The following ADAM28 variants were observed in gnomAD, a reference collection of about 807,000 sequenced individuals.
ADAM28 encodes the protein ADAM metallopeptidase domain 28.
ADAM28 carries 105 observed loss-of-function variants against 101.2 expected under a neutral mutation model. That is an observed-to-expected ratio of 1.04 (90% CI 0.89 to 1.22). The LOEUF (loss-of-function observed/expected upper bound fraction) is 1.22, where lower values mean the gene tolerates loss of function less well. Ranked by LOEUF, ADAM28 falls within the 50% of genes most tolerant of loss-of-function variation. ADAM28 has a pLI of 0.00. For missense variants in ADAM28, 1,028 were observed against 945.4 expected (o/e 1.09, Z -1.15); for synonymous variants, 322 against 310.6 (o/e 1.04, Z -0.39).
At chr8:24,295,732 C>T (rs1410925122) in intron 1 of ADAM28, 1 of 152,226 alleles carries the variant, frequency 6.6e-6, no homozygotes, top group Admixed American at 6.5e-5. Flanking sequence ...CCTCTGATGT[C>T]AACTCTAAAA....
intron 13 of ADAM28, among the ~76,000 whole-genome samples, chr8:24,334,004 G>A (rs1407258869): frequency 6.6e-6 from 1 of 152,042 alleles, no homozygotes; most frequent in African/African-American, 2.4e-5. Context: ...AATGTTTGGT[G>A]TTATTTTGTT....
At chr8:24,294,741 C>T (rs1024636472) in intron 1 of ADAM28, among the ~76,000 whole-genome samples, 1 of 152,078 alleles carries the variant, frequency 6.6e-6, no homozygotes, top group Non-Finnish European at 1.5e-5. Context: ...TATTACTTAA[C>T]AAAATATCTC....
chr8:24,313,699 T>C (rs1407616247), intron 6 of ADAM28, 119 bp downstream of exon 6: 10 of 971,334 alleles, frequency 1.0e-5, no homozygotes, highest in Non-Finnish European at 1.5e-5. Context: ...ATAGAGACAC[T>C]AATCCTTAAA....
At chr8:24,303,017 A>G (rs1217682104) in intron 2 of ADAM28, among the ~76,000 whole-genome samples, 1 of 146,738 alleles carries the variant, frequency 6.8e-6, no homozygotes, top group Non-Finnish European at 1.5e-5. Flanking sequence ...TATAAATTTA[A>G]GTTCCTTGTA....
At chr8:24,349,176 C>A (rs932960103) in intron 18 of ADAM28, among the ~76,000 whole-genome samples, 3 of 152,140 alleles carry the variant, frequency 2.0e-5, no homozygotes, top group Admixed American at 1.3e-4. Context: ...AGAACGGTAA[C>A]TTTTGGCATT....
chr8:24,309,954 T>A lies in ADAM28; in HGVS notation c.211T>A (p.Tyr71Asn). The change falls in exon 3 of 23, where the codon TAT becomes AAT. Residue 71 changes from tyrosine (Y) to asparagine (N), a missense_variant. Transcript: ENST00000265769. ...MTINGKIAVL[Y>N]LKKNKNLLAP... ...AATTAATGGAAAAATTGCAGTGCTT[T>A]ATTTGAAAAAAAACAAGTAAGTATC... 2 of 1,567,670 alleles carry A rather than the reference T, an allele frequency of 1.3e-6. No individual in the cohort carries two copies. Among genetic ancestry groups the A allele is most frequent in the Non-Finnish European group, 1.8e-6 (2 of 1,139,954 alleles).
chr8:24,352,907 T>C (rs1816338861), intron 21 of ADAM28, among the ~76,000 whole-genome samples: 1 of 151,364 alleles, frequency 6.6e-6, no homozygotes, highest in African/African-American at 2.5e-5. Context: ...CCTGCACCTA[T>C]ATCATCTTCT....
At chr8:24,310,990 T>C (rs974752365) in intron 4 of ADAM28, among the ~76,000 whole-genome samples, 2 of 152,110 alleles carry the variant, frequency 1.3e-5, no homozygotes, top group African/African-American at 2.4e-5. Context: ...GGAAAAAAGC[T>C]TGTAGATCTT....
intron 2 of ADAM28, among the ~76,000 whole-genome samples, chr8:24,306,389 A>AAT (rs1050085696): frequency 8.5e-6 from 1 of 117,384 alleles, no homozygotes; most frequent in African/African-American, 3.4e-5. Flanking sequence ...TATATATTTA[A>AAT]AAATATATAT....
At chr8:24,326,488 T>G in intron 9 of ADAM28, 66 bp from the exon 10 acceptor site, 1 of 1,440,732 alleles carries the variant, frequency 6.9e-7, no homozygotes, top group East Asian at 2.3e-5. Context: ...GGGTTTTGGA[T>G]GTATTGTCTA....
intron 16 of ADAM28, chr8:24,342,870 T>G (rs888751688): frequency 1.4e-5 from 9 of 639,664 alleles, no homozygotes; most frequent in East Asian, 3.2e-5. Context: ...ATACAGTTGT[T>G]TGGATTTTTA....
At position 24,331,291 on chromosome 8, in the gene ADAM28, G is replaced by A. The variant is rs10113646; in HGVS notation, c.1245G>A (p.Val415=). 15,073 of 1,612,158 alleles carry A rather than the reference G, an allele frequency of 9.3e-3. 1,224 individuals carry two copies. The African/African-American group carries it at 0.18, about 19-fold the overall frequency. The change falls in exon 12 of 23, where the codon GTG becomes GTA. Residue 415 remains valine (V), a synonymous_variant. Coordinates refer to ENST00000265769, the MANE Select transcript of ADAM28 (RefSeq NM_014265.6). ...CTCCAATTTGTGGGAACCAGTTGGT[G>A]GAAATGGGAGAGGACTGTGATTGTG... ...ISTPICGNQL[V]EMGEDCDCGT...
intron 18 of ADAM28, 48 bp from the exon 19 acceptor site, chr8:24,349,816 A>G: frequency 7.0e-7 from 1 of 1,437,512 alleles, no homozygotes; most frequent in Non-Finnish European, 9.8e-7. Flanking sequence ...TGTGTTGTGC[A>G]GATGTGTGTT....
At chr8:24,329,960 T>A in intron 10 of ADAM28, 25 bp from the exon 11 acceptor site, 1 of 1,592,640 alleles carries the variant, frequency 6.3e-7, no homozygotes, top group East Asian at 2.2e-5. Flanking sequence ...AATCAGAGAA[T>A]CTTTTTCTTC....
rs376724328 is a variant in ADAM28 at position 24,355,134 on chromosome 8, T to G, written c.*730T>G. 5 of 152,654 alleles carry G rather than the reference T, an allele frequency of 3.3e-5. No individual in the cohort carries two copies. Among genetic ancestry groups the G allele is most frequent in the Admixed American group, 2.6e-4 (4 of 15,250 alleles). The allele number at this position is 152,654 out of a possible 1,614,324, so 9.5% of individuals were successfully genotyped here. On this transcript the variant is annotated 3_prime_UTR_variant, in exon 23 of 23. Transcript: ENST00000265769. ...GATATTGATATTGGACACATAGTAC[T>G]TTTACATGTTTTGAATGTATTGCTA...
chr8:24,354,379 T>TC lies in ADAM28; in HGVS notation c.2308-5_2308-4insC. On this transcript the variant is annotated splice_polypyrimidine_tract_variant and splice_region_variant and intron_variant, in intron 22 of 22. Transcript: ENST00000265769. ...TTGATCATTTAGAAGTTATGTCTTT[T>TC]TTAGGACTCAAATCCAAAAGCATGA... 1 of 1,420,280 alleles carries TC rather than the reference T, an allele frequency of 7.0e-7. No homozygotes were observed. The highest frequency in any genetic ancestry group is 9.5e-7 in the Non-Finnish European group (1 of 1,053,548). 88.0% of individuals were successfully genotyped at this position (1,420,280 alleles called of 1,614,324 possible).
In ADAM28 at chr8:24,355,226, G is replaced by A. The variant is rs1444362912; in HGVS notation, c.*822G>A. The A allele has an allele frequency of 6.6e-6, 1 of 152,308 alleles. No homozygotes were observed. The highest frequency in any genetic ancestry group is 1.5e-5 in the Non-Finnish European group (1 of 67,992). 9.4% of individuals were successfully genotyped at this position (152,308 alleles called of 1,614,324 possible). ...CAGCTTTGTCAGATGTAATCTAAAA[G>A]TAATCCGATGCTTTGTCAACAACAG... On this transcript the variant is annotated 3_prime_UTR_variant, in exon 23 of 23. Coordinates refer to ENST00000265769, the MANE Select transcript of ADAM28 (RefSeq NM_014265.6).
At position 24,333,637 on chromosome 8, in the gene ADAM28, C is replaced by T. The variant is rs554416565; in HGVS notation, c.1371+888C>T. ...CTCATGCTCCATGGCTTTCTCAGGT[C>T]GAATCTCACAAAACTGATTGTATCT... On this transcript the variant is annotated intron_variant, in intron 13 of 22. Coordinates refer to ENST00000265769, the MANE Select transcript of ADAM28 (RefSeq NM_014265.6). Among the ~76,000 whole-genome samples the T allele has an allele frequency of 2.0e-5, 3 of 152,260 alleles. No homozygotes were observed. The East Asian group carries it at 5.8e-4, about 29-fold the overall frequency.
chr8:24,354,289 C>T, intron 22 of ADAM28, 95 bp from the exon 23 acceptor site: 3 of 1,089,800 alleles, frequency 2.8e-6, no homozygotes, highest in Non-Finnish European at 4.0e-6. Context: ...AAACTGACTT[C>T]AGATAATTTT....
Sources: gnomAD v4.1 joint callset for allele counts (sites outside exome capture counted in the v4.1 genomes callset) on GRCh38, gnomAD v4.1.1 for gene constraint, MANE v1.5 for transcripts, NCBI Gene and HGNC (gene_info 2026-07-23, HGNC 2026-07-21) for gene names.